Variants in SDK2 observed in about 807,000 individuals in gnomAD.
The protein encoded by SDK2 is protein sidekick-2.
In SDK2, 105 loss-of-function variants were observed where a neutral mutation model predicts 253.9. The observed-to-expected ratio is 0.41, with a 90% CI of 0.35 to 0.49. The LOEUF (loss-of-function observed/expected upper bound fraction) is 0.49, where lower values mean the gene tolerates loss of function less well. Ranked by LOEUF, SDK2 falls within the 20% of genes least tolerant of loss-of-function variation. SDK2 has a pLI of 0.06. For missense variants in SDK2, 2,608 were observed against 3,003.0 expected, an observed-to-expected ratio of 0.87 and a Z score of 3.07; for synonymous variants, 1,249 against 1,234.9, an observed-to-expected ratio of 1.01 and a Z score of -0.24.
At position 73,396,052 on chromosome 17, in the gene SDK2, T is replaced by C. The variant is rs551591871; in HGVS notation, c.3355-660A>G. ...TGCTGGGACTATAGGCGTGTGCCAC[T>C]ATGCCTGCTAAGTTTTGTAGAGACG... On this transcript the variant is annotated intron_variant, in intron 24 of 44. Transcript: ENST00000392650. Among the ~76,000 whole-genome samples, 18 of 152,244 alleles carry C rather than the reference T, an allele frequency of 1.2e-4. No individual in the cohort carries two copies. The South Asian group carries it at 3.3e-3, about 28-fold the overall frequency.
rs2062817636 is a variant in SDK2, at chr17:73,379,986, G to A, written c.4763-437C>T. Among the ~76,000 whole-genome samples the A allele has an allele frequency of 6.6e-6, 1 of 152,136 alleles. No individual in the cohort carries two copies. Among genetic ancestry groups the A allele is most frequent in the Non-Finnish European group, 1.5e-5 (1 of 68,016 alleles). ...TACACAGCGGGGCTCAGCTCCAGGG[G>A]GGAGGGGCGCATTGGATGTGAATTC... On this transcript the variant is annotated intron_variant, in intron 34 of 44. Coordinates refer to ENST00000392650, the MANE Select transcript of SDK2 (RefSeq NM_001144952.2). This position sits in a 1 kb window ranked among gnomAD's most constrained non-coding sequence, Gnocchi z 4.5.
At position 73,348,630 on chromosome 17, in the gene SDK2, G is replaced by T. The variant is rs199591952; in HGVS notation, c.6134C>A (p.Thr2045Lys). 2 of 1,612,900 alleles carry T rather than the reference G, an allele frequency of 1.2e-6. No homozygotes were observed. The highest frequency in any genetic ancestry group is 2.7e-5 in the African/African-American group (2 of 74,926). ...GTCGGAGATTTCTGAGGGCTTCTCCGTCAGGCTGCTGCTCTCTGCAGGGAT... is the reference window on the plus strand; with the variant it reads ...GTCGGAGATTTCTGAGGGCTTCTCCTTCAGGCTGCTGCTCTCTGCAGGGAT... ...DLIPAESSSL[T>K]EKPSEISDSQ... The change falls in exon 44 of 45, where the codon ACG becomes AAG. Residue 2045 changes from threonine (T) to lysine (K), a missense_variant. Thr to Lys is a moderately conservative substitution (Grantham distance 78, BLOSUM62 -1). Coordinates refer to ENST00000392650, the MANE Select transcript of SDK2 (RefSeq NM_001144952.2).
At chr17:73,369,038 C>A (rs2145438929) in intron 36 of SDK2, 2 of 353,380 alleles carry the variant, frequency 5.7e-6, no homozygotes, top group Non-Finnish European at 1.2e-5. Context: ...AATTTAAGAA[C>A]TGTTTTAGAA....
At chr17:73,350,965 A>C (rs2062532687) in intron 41 of SDK2, among the ~76,000 whole-genome samples, 175 bp from the exon 42 acceptor site, 1 of 152,190 alleles carries the variant, frequency 6.6e-6, no homozygotes, top group South Asian at 2.1e-4. Flanking sequence ...CGCTCTGATC[A>C]GTCGGTAAAG....
rs756957113 is a variant in SDK2 at position 73,511,165 on chromosome 17, A to G, written c.65-3568T>C. Among the ~76,000 whole-genome samples the G allele has an allele frequency of 2.1e-4, 32 of 152,202 alleles. No individual in the cohort carries two copies. The highest frequency in any genetic ancestry group is 3.1e-4 in the African/African-American group (13 of 41,448). ...CCAGCAGCTTTCAAGAGCCCTTTGA[A>G]TCGCGCTTTTAAAAACCCTCTGTTC... On this transcript the variant is annotated intron_variant, in intron 1 of 44. Transcript: ENST00000392650. The surrounding 1 kb of genome is among the most constrained non-coding windows in gnomAD (Gnocchi z 4.9).
At chr17:73,445,527 G>A (rs565208155) in intron 5 of SDK2, among the ~76,000 whole-genome samples, 208 of 152,262 alleles carry the variant, frequency 1.4e-3, no homozygotes, top group African/African-American at 4.5e-3. Context: ...TGGTTCTGAA[G>A]AGCATAGGGT....
rs1374352959 is a variant in SDK2, at chr17:73,383,265, A to G, written c.4705+611T>C. 6.6e-6 allele frequency among the ~76,000 whole-genome samples: 1 copy of G among 152,088 alleles called. No individual in the cohort carries two copies. The highest frequency in any genetic ancestry group is 1.5e-5 in the Non-Finnish European group (1 of 68,018). ...AAGTGGCTCCTAACACAAAAGTCCAAACACGTCTTTCCCTTGCCGTGGTCT... is the reference window on the plus strand; with the variant it reads ...AAGTGGCTCCTAACACAAAAGTCCAGACACGTCTTTCCCTTGCCGTGGTCT... On this transcript the variant is annotated intron_variant, in intron 33 of 44. Transcript: ENST00000392650. The surrounding 1 kb of genome is among the most constrained non-coding windows in gnomAD (Gnocchi z 4.3).
chr17:73,423,809 G>T, intron 13 of SDK2, 107 bp downstream of exon 13: 1 of 958,116 alleles, frequency 1.0e-6, no homozygotes, highest in Non-Finnish European at 1.5e-6. Flanking sequence ...AACAGTTCAG[G>T]TCACACGTGG....
At position 73,377,252 on chromosome 17, in the gene SDK2, T is replaced by A. The variant is rs184398105; in HGVS notation, c.4980+1925A>T. On this transcript the variant is annotated intron_variant, in intron 36 of 44. Coordinates refer to ENST00000392650, the MANE Select transcript of SDK2 (RefSeq NM_001144952.2). ...TTTTTTTTTGGAGACAGAGTCTTGC[T>A]CTGTTGTCCAGGCTGGAGTGCAGTG... Among the ~76,000 whole-genome samples, 252 of 149,494 alleles carry A rather than the reference T, an allele frequency of 1.7e-3. 4 individuals carry two copies. Among genetic ancestry groups the A allele is most frequent in the Non-Finnish European group, 1.2e-3 (81 of 67,592 alleles).
At position 73,545,099 on chromosome 17, in the gene SDK2, G is replaced by GCGCACACACACACACACACACACACA. The variant is rs147498499; in HGVS notation, c.65-37503_65-37502insTGTGTGTGTGTGTGTGTGTGTGTGCG. Reference sequence around the variant, plus strand: ...GCATTCTCATTGCGTGCACGTGCACGCACACACACACACACACACACACAC... The same window carrying GCGCACACACACACACACACACACACA: ...GCATTCTCATTGCGTGCACGTGCACGCGCACACACACACACACACACACACACACACACACACACACACACACACAC... On this transcript the variant is annotated intron_variant, in intron 1 of 44. Coordinates refer to ENST00000392650, the MANE Select transcript of SDK2 (RefSeq NM_001144952.2). Among the ~76,000 whole-genome samples the GCGCACACACACACACACACACACACA allele has an allele frequency of 6.9e-5, 10 of 145,818 alleles. No individual in the cohort carries two copies. In the Middle Eastern group the frequency reaches 0.01, roughly 150 times the overall value.
At chr17:73,339,379 A>C (rs563966021) in intron 44 of SDK2, among the ~76,000 whole-genome samples, 1 of 152,000 alleles carries the variant, frequency 6.6e-6, no homozygotes, top group South Asian at 2.1e-4. Context: ...GACATGTGCC[A>C]CCACGCCTGG....
At chr17:73,344,301 C>T (rs1021426954) in intron 44 of SDK2, among the ~76,000 whole-genome samples, 5 of 152,222 alleles carry the variant, frequency 3.3e-5, no homozygotes, top group African/African-American at 4.8e-5. Flanking sequence ...TACCCCTCCC[C>T]CCACACCCAC....
chr17:73,594,010 G>A (rs1210381325), intron 1 of SDK2, among the ~76,000 whole-genome samples: 2 of 152,216 alleles, frequency 1.3e-5, no homozygotes, highest in Non-Finnish European at 2.9e-5. Flanking sequence ...AGGCTTGGAG[G>A]TTAAGAAAAT....
chr17:73,372,757 C>A (rs115102253), intron 36 of SDK2, among the ~76,000 whole-genome samples: 2,625 of 151,702 alleles, frequency 0.017, 71 homozygotes, highest in African/African-American at 0.06. Flanking sequence ...AACAAACAAA[C>A]AAAAAAATCA....
At chr17:73,611,849 G>A (rs1326287580) in intron 1 of SDK2, among the ~76,000 whole-genome samples, 1 of 152,152 alleles carries the variant, frequency 6.6e-6, no homozygotes, top group Non-Finnish European at 1.5e-5. Flanking sequence ...GGAGGGAGTC[G>A]CCACCAGAGC....
intron 44 of SDK2, among the ~76,000 whole-genome samples, chr17:73,343,366 G>C (rs2062455984): frequency 6.6e-6 from 1 of 152,274 alleles, no homozygotes; most frequent in Admixed American, 6.5e-5. Flanking sequence ...ATCAGCGACT[G>C]CTGCTCCCGC....
chr17:73,617,569 TAGTCGACAGGCTCCAGGGG>T (rs2046077376), intron 1 of SDK2, among the ~76,000 whole-genome samples: 1 of 150,596 alleles, frequency 6.6e-6, no homozygotes, highest in Non-Finnish European at 1.5e-5. Flanking sequence ...CCAGCATACC[TAGTCGACAGGCTCCAGGGG>T]AGCTTACGAA....
At chr17:73,368,295 G>T (rs2062702765) in intron 37 of SDK2, 112 bp downstream of exon 37, 2 of 989,096 alleles carry the variant, frequency 2.0e-6, no homozygotes, top group Non-Finnish European at 2.8e-6. Context: ...AGATCCTCAG[G>T]CGGATAAGGC....
intron 8 of SDK2, among the ~76,000 whole-genome samples, chr17:73,437,274 G>A (rs1375960601): frequency 2.0e-5 from 3 of 152,184 alleles, no homozygotes; most frequent in African/African-American, 7.2e-5. Context: ...GAAGGGGAAA[G>A]TAGAAATTCT....
Sources: gnomAD v4.1 joint callset for allele counts (sites outside exome capture counted in the v4.1 genomes callset) on GRCh38, gnomAD v4.1.1 for gene constraint, Gnocchi (gnomAD v3.1) non-coding constraint, MANE v1.5 for transcripts, NCBI Gene and HGNC (gene_info 2026-07-23, HGNC 2026-07-21) for gene names.